Variants in PUDP observed in about 807,000 individuals in gnomAD.
PUDP encodes the protein pseudouridine 5'-phosphatase.
In PUDP, 8 loss-of-function variants were observed where a neutral mutation model predicts 9.4. That is an observed-to-expected ratio of 0.85 (90% CI 0.50 to 1.53). PUDP has a LOEUF of 1.53. PUDP is among the 40% of genes most tolerant of loss of function. The pLI is 0.00. For synonymous variants in PUDP, 99 were observed against 80.7 expected (o/e 1.23, Z -1.22); for missense variants, 188 against 189.7 (o/e 0.99, Z 0.05).
At chrX:6,745,934 G>A (rs1036395433) in intron 3 of PUDP, among the ~76,000 whole-genome samples, 1 of 111,759 alleles carries the variant, frequency 8.9e-6, no homozygotes, top group South Asian at 3.7e-4. Flanking sequence ...ATGAGTCACT[G>A]CCCCCTGGCT....
At chrX:6,864,088 T>C (rs942155550) in intron 3 of PUDP, among the ~76,000 whole-genome samples, 2 of 111,421 alleles carry the variant, frequency 1.8e-5, no homozygotes, top group Non-Finnish European at 3.8e-5. Flanking sequence ...CAAGACCAGC[T>C]TATCTTGTGG....
chrX:6,883,018 G>C (rs1479757406), intron 3 of PUDP, among the ~76,000 whole-genome samples: 2 of 111,590 alleles, frequency 1.8e-5, no homozygotes, highest in Non-Finnish European at 3.8e-5. Flanking sequence ...GGAAGCCTTG[G>C]TTTCTCTGAT....
chrX:6,765,228 C>T (rs1290580624), intron 3 of PUDP, among the ~76,000 whole-genome samples: 1 of 111,294 alleles, frequency 9.0e-6, no homozygotes, highest in Admixed American at 9.6e-5. Context: ...TGCAGTGAGC[C>T]AACATCACGC....
At chrX:7,139,883 T>C (rs915439951) in intron 1 of PUDP, among the ~76,000 whole-genome samples, 2 of 111,876 alleles carry the variant, frequency 1.8e-5, no homozygotes, top group Admixed American at 9.4e-5. Flanking sequence ...GAGGTGACCA[T>C]CCTCCTCTCA....
At chrX:6,795,846 C>A (rs1343689952) in intron 3 of PUDP, among the ~76,000 whole-genome samples, 1 of 111,706 alleles carries the variant, frequency 9.0e-6, no homozygotes, top group African/African-American at 3.3e-5. Flanking sequence ...GTATAACCAA[C>A]CAAGCCCATA....
chrX:6,726,124 C>A (rs947991968), upstream of PUDP, among the ~76,000 whole-genome samples: 2 of 111,680 alleles, frequency 1.8e-5, no homozygotes, highest in South Asian at 3.8e-4. Context: ...CAGGTTTGAA[C>A]ATCAGTGGCC....
chrX:7,117,121 A>G, intron 1 of PUDP: 2 of 1,102,213 alleles, frequency 1.8e-6, no homozygotes, highest in Non-Finnish European at 2.4e-6. Flanking sequence ...GCACGGCCTA[A>G]TACAGAAAAT....
intron 3 of PUDP, among the ~76,000 whole-genome samples, chrX:6,933,097 T>G (rs1233805221): frequency 3.6e-5 from 4 of 110,507 alleles, no homozygotes; most frequent in African/African-American, 6.6e-5. Context: ...TGTCCCTGTC[T>G]GGCAGCTTTG....
chrX:7,038,895 T>C (rs1470315667), intron 1 of PUDP, among the ~76,000 whole-genome samples: 2 of 111,835 alleles, frequency 1.8e-5, no homozygotes, highest in South Asian at 7.5e-4. Context: ...CACTTATGTA[T>C]GCATTTATTT....
At chrX:6,723,672 AAAAACAAAAC>A (rs760206977), upstream of PUDP, among the ~76,000 whole-genome samples, 130 of 99,823 alleles carry the variant, frequency 1.3e-3, no homozygotes, top group African/African-American at 2.6e-3. Flanking sequence ...ACCCCACCAA[AAAAACAAAAC>A]AAAACAAAAC....
At chrX:6,798,651 A>G (rs1331175570) in intron 3 of PUDP, among the ~76,000 whole-genome samples, 1 of 112,343 alleles carries the variant, frequency 8.9e-6, no homozygotes, top group Non-Finnish European at 1.9e-5. Flanking sequence ...ATAACTCTTT[A>G]TAATAAAGCA....
downstream of PUDP, among the ~76,000 whole-genome samples, chrX:7,048,097 T>A (rs766465619): frequency 3.6e-5 from 4 of 112,020 alleles, no homozygotes; most frequent in Non-Finnish European, 7.5e-5. Flanking sequence ...GGAAAAAAAG[T>A]CTAATAAGTA....
chrX:7,060,285 T>C (rs6530045), intron 3 of PUDP, among the ~76,000 whole-genome samples: 37,669 of 111,320 alleles, frequency 0.34, 4,850 homozygotes, highest in Middle Eastern at 0.47. Context: ...GCAAAGTCAG[T>C]GTTTCCCAAA....
intron 1 of PUDP, among the ~76,000 whole-genome samples, chrX:7,031,437 A>C (rs1292535675): frequency 3.6e-5 from 4 of 111,656 alleles, no homozygotes; most frequent in Non-Finnish European, 7.5e-5. Context: ...CTGAGACGTA[A>C]TGATGATTGT....
In PUDP at chrX:6,717,965, A is replaced by AT. The variant is rs768620206; in HGVS notation, n.128+3451dup. ...TCTGATATGATTAGTGATGTTGAGC[A>AT]TTTTTTTTACATGTTTATTGGTCAT... On this transcript the variant is annotated intron_variant and non_coding_transcript_variant, in intron 1 of 2. Coordinates refer to the PUDP transcript ENST00000438499. Among the ~76,000 whole-genome samples the AT allele has an allele frequency of 5.6e-3, 620 of 110,519 alleles. 4 individuals carry two copies. Among genetic ancestry groups the AT allele is most frequent in the Non-Finnish European group, 9.8e-3 (517 of 52,748 alleles).
chrX:7,050,592 G>A lies in PUDP; in HGVS notation c.511-120C>T, dbSNP rs1406216232. 5 of 640,828 alleles carry A rather than the reference G, an allele frequency of 7.8e-6. No individual in the cohort carries two copies. The East Asian group carries it at 1.8e-4, about 23-fold the overall frequency. The allele number at this position is 640,828 out of a possible 1,213,427, so 52.8% of individuals were successfully genotyped here. A position where few individuals can be genotyped will look rare whatever the true frequency, so the allele number is the denominator to read the frequency against. ...GTGCAGAAAGAGACAGAATTACAGT[G>A]GGGGCTCCCCAGAGTAGAGATTGTG... On this transcript the variant is annotated intron_variant, in intron 3 of 3. Coordinates refer to ENST00000381077, the MANE Select transcript of PUDP (RefSeq NM_012080.5).
intron 3 of PUDP, among the ~76,000 whole-genome samples, chrX:6,919,313 C>G (rs1927982214): frequency 9.0e-6 from 1 of 111,489 alleles, no homozygotes; most frequent in South Asian, 3.8e-4. Context: ...ACTAGAATGA[C>G]AATGAATTAA....
At chrX:6,751,538 A>G (rs2146669884) in intron 3 of PUDP, among the ~76,000 whole-genome samples, 1 of 111,994 alleles carries the variant, frequency 8.9e-6, no homozygotes, top group African/African-American at 3.2e-5. Context: ...ATTTCCTTTG[A>G]AAAGAGAAGA....
chrX:6,959,422 C>A (rs999423151), intron 3 of PUDP, among the ~76,000 whole-genome samples: 5 of 112,206 alleles, frequency 4.5e-5, no homozygotes, highest in Admixed American at 3.8e-4. Flanking sequence ...CTCCCCACTG[C>A]AGAAGGCACA....
Sources: allele counts gnomAD v4.1 joint callset (sites outside exome capture counted in the v4.1 genomes callset), GRCh38; gene constraint gnomAD v4.1.1; transcripts MANE v1.5; gene names NCBI Gene and HGNC (gene_info 2026-07-23, HGNC 2026-07-21).